The following GALNT13 variants were observed in gnomAD, a reference collection of about 807,000 sequenced individuals.
GALNT13 encodes UDP-GalNAc:polypeptide N-acetylgalactosaminyltransferase 13.
A neutral mutation model predicts 64.2 loss-of-function variants in GALNT13; 28 were observed. The ratio of observed to expected loss-of-function variants is 0.44; its 90% CI spans 0.32 to 0.60. The LOEUF (loss-of-function observed/expected upper bound fraction) is 0.60. GALNT13 is among the 20% of genes least tolerant of loss of function. The pLI is 0.05. For synonymous variants in GALNT13, 214 were observed against 224.6 expected, an observed-to-expected ratio of 0.95 and a Z score of 0.42; for missense variants, 577 against 669.8, an observed-to-expected ratio of 0.86 and a Z score of 1.53.
intron 3 of GALNT13, among the ~76,000 whole-genome samples, chr2:154,092,777 G>T (rs943226982): frequency 2.0e-5 from 3 of 151,948 alleles, no homozygotes; most frequent in African/African-American, 7.2e-5. Flanking sequence ...CACGTTATTT[G>T]CAATAGGAAA....
intron 4 of GALNT13, among the ~76,000 whole-genome samples, chr2:154,233,079 A>G (rs1042359946): frequency 7.3e-5 from 11 of 151,584 alleles, no homozygotes; most frequent in African/African-American, 2.7e-4. Flanking sequence ...GAAAAAAAGT[A>G]CAAATGGTTC....
At chr2:153,492,518 A>T in the GALNT13 span, among the ~76,000 whole-genome samples, 1 of 150,002 alleles carries the variant, frequency 6.7e-6, no homozygotes, top group African/African-American at 2.4e-5. Context: ...CTAGCAAGAG[A>T]GGCTGAGACA....
rs541956722 is a variant in GALNT13 at position 154,049,261 on chromosome 2, TTACTC to T, written c.143-91073_143-91069del. 4.2e-3 allele frequency among the ~76,000 whole-genome samples: 630 copies of T among 151,682 alleles called. 6 individuals carry two copies. Among genetic ancestry groups the T allele is most frequent in the African/African-American group, 0.015 (601 of 41,432 alleles). On this transcript the variant is annotated intron_variant, in intron 3 of 12. Coordinates refer to ENST00000392825, the MANE Select transcript of GALNT13 (RefSeq NM_052917.4). Reference sequence around the variant, plus strand: ...GGGTCTGTGGAATTTGTCTTAATACTTACTCTAAAGTATTTAAATACTTAAATAGT... The same window carrying T: ...GGGTCTGTGGAATTTGTCTTAATACTTAAAGTATTTAAATACTTAAATAGT...
At chr2:153,522,844 G>C in the GALNT13 span, among the ~76,000 whole-genome samples, 1 of 151,986 alleles carries the variant, frequency 6.6e-6, no homozygotes, top group African/African-American at 2.4e-5. Context: ...CAGAACAAAA[G>C]TTTGTAGTTT....
At chr2:153,734,027 A>T in the GALNT13 span, among the ~76,000 whole-genome samples, 2 of 152,256 alleles carry the variant, frequency 1.3e-5, no homozygotes, top group South Asian at 4.1e-4. Flanking sequence ...ACATTGGTAC[A>T]GTTCAGGACC....
chr2:154,298,674 GTATATACAATT>G (rs1693182161), intron 8 of GALNT13, among the ~76,000 whole-genome samples: 1 of 77,390 alleles, frequency 1.3e-5, no homozygotes, highest in African/African-American at 5.1e-5. Flanking sequence ...TATATACATT[GTATATACAATT>G]TATATATACA....
the GALNT13 span, among the ~76,000 whole-genome samples, chr2:153,250,887 G>T: frequency 6.6e-6 from 1 of 151,908 alleles, no homozygotes; most frequent in Non-Finnish European, 1.5e-5. Flanking sequence ...GGGGTGGGGG[G>T]CAAAGGGACA....
chr2:154,348,528 C>T (rs1696200494), intron 9 of GALNT13, among the ~76,000 whole-genome samples: 2 of 151,840 alleles, frequency 1.3e-5, no homozygotes, highest in African/African-American at 4.8e-5. Context: ...TCCTAGAGCT[C>T]CTTTGAAAAA....
At chr2:153,120,427 C>T in the GALNT13 span, among the ~76,000 whole-genome samples, 1 of 152,098 alleles carries the variant, frequency 6.6e-6, no homozygotes, top group African/African-American at 2.4e-5. Context: ...CTTGAGTGGA[C>T]CATAGGATCT....
At chr2:154,242,989 A>G in intron 6 of GALNT13, 84 bp downstream of exon 6, 1 of 1,144,442 alleles carries the variant, frequency 8.7e-7, no homozygotes, top group Non-Finnish European at 1.2e-6. Context: ...TTTCTCTTCC[A>G]AGTTGCTATT....
the GALNT13 span, among the ~76,000 whole-genome samples, chr2:153,572,004 A>G: frequency 6.6e-6 from 1 of 151,796 alleles, no homozygotes; most frequent in South Asian, 2.1e-4. Flanking sequence ...ATTTTTTAGA[A>G]TAGTTGGGTA....
chr2:154,261,546 A>G (rs534491758), intron 8 of GALNT13, among the ~76,000 whole-genome samples: 2 of 152,262 alleles, frequency 1.3e-5, no homozygotes, highest in African/African-American at 4.8e-5. Context: ...ACTTGATGAA[A>G]TGAGAATATG....
chr2:154,039,347 A>G lies in GALNT13; in HGVS notation c.142+94708A>G, dbSNP rs1004896089. Among the ~76,000 whole-genome samples the G allele has an allele frequency of 1.6e-4, 21 of 128,390 alleles. 1 individual carries two copies. Among genetic ancestry groups the G allele is most frequent in the African/African-American group, 5.3e-4 (21 of 39,860 alleles). The allele number at this position is 128,390 out of a possible 152,430, so 84.2% of individuals were successfully genotyped here. A position where few individuals can be genotyped will look rare whatever the true frequency, so the allele number is the denominator to read the frequency against. On this transcript the variant is annotated intron_variant, in intron 3 of 12. Coordinates refer to ENST00000392825, the MANE Select transcript of GALNT13 (RefSeq NM_052917.4). ...CAGCACTATTCACAATAGTCAAGAT[A>G]TAGAATCAACGTAAGTACTCCTCAA...
the GALNT13 span, among the ~76,000 whole-genome samples, chr2:153,324,559 C>T: frequency 1.3e-5 from 2 of 152,160 alleles, no homozygotes; most frequent in Non-Finnish European, 2.9e-5. Flanking sequence ...ATAGGGCATC[C>T]TTCGTCTTTT....
At chr2:153,786,297 T>G in the GALNT13 span, among the ~76,000 whole-genome samples, 1,779 of 152,078 alleles carry the variant, frequency 0.012, 43 homozygotes, top group African/African-American at 0.041. Flanking sequence ...AAGAACAAAG[T>G]GCGTAGTCAC....
At chr2:153,570,676 G>A in the GALNT13 span, among the ~76,000 whole-genome samples, 11 of 152,164 alleles carry the variant, frequency 7.2e-5, no homozygotes, top group African/African-American at 2.6e-4. Flanking sequence ...TCTGCATATG[G>A]ATATCTAGTT....
In GALNT13 at chr2:154,438,713, A is replaced by T; in HGVS notation, c.1517A>T (p.Glu506Val). Residue 506 changes from glutamate to valine, a missense_variant, in exon 12 of 13, where the codon GAA becomes GTA. Transcript: ENST00000392825. The part of the protein sequence containing the change: ...CHHMRGNQLW[E>V]YDAERLTLRH... ...CATATGAGAGGAAATCAGTTATGGG[A>T]ATATGATGCTGAGGTATAGTATTTT... The T allele has an allele frequency of 6.2e-7, 1 of 1,609,026 alleles. No homozygotes were observed. The highest frequency in any genetic ancestry group is 8.5e-7 in the Non-Finnish European group (1 of 1,176,088).
the GALNT13 span, among the ~76,000 whole-genome samples, chr2:153,121,525 CATTTT>C: frequency 6.6e-6 from 1 of 151,938 alleles, no homozygotes; most frequent in Admixed American, 6.6e-5. Flanking sequence ...AATATAACCA[CATTTT>C]ATTTTATTTA....
At chr2:153,333,902 A>G in the GALNT13 span, among the ~76,000 whole-genome samples, 1 of 152,146 alleles carries the variant, frequency 6.6e-6, no homozygotes, top group Non-Finnish European at 1.5e-5. Context: ...ATAGCCTTGT[A>G]TTTTTATTGC....
Sources: allele counts gnomAD v4.1 joint callset (sites outside exome capture counted in the v4.1 genomes callset), GRCh38; gene constraint gnomAD v4.1.1; transcripts MANE v1.5; gene names NCBI Gene and HGNC (gene_info 2026-07-23, HGNC 2026-07-21).